The following BRCA1 variants were observed in gnomAD, a reference collection of about 807,000 sequenced individuals.
BRCA1 encodes BRCA1 DNA repair associated, also known as breast cancer type 1 susceptibility protein.
A neutral mutation model predicts 173.7 loss-of-function variants in BRCA1; 140 were observed. That is an observed-to-expected ratio of 0.81 (90% CI 0.70 to 0.93). The LOEUF (loss-of-function observed/expected upper bound fraction) is 0.93. Ranked by LOEUF, BRCA1 falls within the 40% of genes least tolerant of loss-of-function variation. BRCA1 has a pLI of 0.00. For missense variants in BRCA1, 1,983 were observed against 2,172.5 expected, an observed-to-expected ratio of 0.91 and a Z score of 1.73; for synonymous variants, 662 against 756.0, an observed-to-expected ratio of 0.88 and a Z score of 2.04.
chr17:43,089,157 A>T (rs8176162), intron 11 of BRCA1, among the ~76,000 whole-genome samples: 2 of 152,088 alleles, frequency 1.3e-5, no homozygotes, highest in African/African-American at 4.8e-5. Context: ...TACTAAAAAA[A>T]TACAAAAAAA....
At chr17:43,128,178 T>G (rs906512057), upstream of BRCA1, among the ~76,000 whole-genome samples, 1 of 133,684 alleles carries the variant, frequency 7.5e-6, no homozygotes, top group African/African-American at 2.6e-5. Flanking sequence ...AGCATTTATC[T>G]GCTGGTAACA....
chr17:43,107,117 T>C (rs1232728701), intron 3 of BRCA1, among the ~76,000 whole-genome samples: 1 of 144,210 alleles, frequency 6.9e-6, no homozygotes, highest in Non-Finnish European at 1.5e-5. Flanking sequence ...CAGGCTGGAG[T>C]GCAGTGGCAC....
chr17:43,076,736 A>T, intron 12 of BRCA1, 122 bp from the exon 13 acceptor site: 1 of 1,170,724 alleles, frequency 8.5e-7, no homozygotes, highest in Admixed American at 1.9e-5. Flanking sequence ...GTTTTTAAAC[A>T]AGTATATCAG....
intron 1 of BRCA1, among the ~76,000 whole-genome samples, chr17:43,169,323 C>T (rs1386357950): frequency 6.6e-6 from 1 of 152,134 alleles, no homozygotes; most frequent in Non-Finnish European, 1.5e-5. Flanking sequence ...CGCGCGCCAC[C>T]ACGCCCGGCT....
chr17:43,154,051 G>T (rs1207525734), intron 1 of BRCA1, among the ~76,000 whole-genome samples: 2 of 151,894 alleles, frequency 1.3e-5, no homozygotes, highest in East Asian at 1.9e-4. Context: ...GCCAGGCGTG[G>T]TGTCCCATGC....
intron 7 of BRCA1, among the ~76,000 whole-genome samples, chr17:43,098,727 T>C (rs1160861440): frequency 6.6e-6 from 1 of 151,950 alleles, no homozygotes; most frequent in Non-Finnish European, 1.5e-5. Flanking sequence ...AGGCTGGTCT[T>C]AAACTCGTGG....
rs397509280 is a variant in BRCA1 at position 43,049,114 on chromosome 17, T to C, written c.5406+7A>G. ...CCTCCCTCTCTGACAGGGCACCCAA[T>C]ACTTACTGTGCCAAGGGTGAATGAT... On this transcript the variant is annotated splice_region_variant and intron_variant, in intron 21 of 22. Coordinates refer to ENST00000357654, the MANE Select transcript of BRCA1 (RefSeq NM_007294.4). 2.5e-6 allele frequency: 4 copies of C among 1,613,202 alleles called. No individual in the cohort carries two copies. Among genetic ancestry groups the C allele is most frequent in the East Asian group, 2.2e-5 (1 of 44,876 alleles).
intron 12 of BRCA1, among the ~76,000 whole-genome samples, chr17:43,080,050 TG>T (rs2052933377): frequency 6.6e-6 from 1 of 152,202 alleles, no homozygotes; most frequent in South Asian, 2.1e-4. Context: ...ATCTACTTGC[TG>T]GCTGGTTTAG....
At chr17:43,058,011 C>T (rs1291505749) in intron 18 of BRCA1, among the ~76,000 whole-genome samples, 1 of 106,308 alleles carries the variant, frequency 9.4e-6, no homozygotes, top group Non-Finnish European at 1.7e-5. Flanking sequence ...CAGAGTGAAA[C>T]TCTGTCTCAA....
At chr17:43,165,729 C>T (rs1375631426) in intron 1 of BRCA1, 2 of 151,198 alleles carry the variant, frequency 1.3e-5, no homozygotes, top group Non-Finnish European at 3.0e-5. Context: ...CCCTTTTTTT[C>T]CTTTTTTTTT....
rs2052181606 is a variant in BRCA1 at position 43,067,670 on chromosome 17, T to C, written c.5012A>G (p.Lys1671Arg). The change falls in exon 16 of 23, where the codon AAA (lysine) becomes AGA (arginine). Residue 1671 changes from lysine to arginine, a missense_variant. Physicochemically the swap from Lys to Arg is conservative, Grantham distance 26. Coordinates refer to ENST00000357654, the MANE Select transcript of BRCA1 (RefSeq NM_007294.4). ...EFMLVYKFAR[K>R]HHITLTNLIT... The stretch of plus-strand genomic sequence containing the variant: ...TAGATTAGTTAAAGTGATGTGGTGT[T>C]TTCTGGCAAACTTGTACACGAGCAT... 6.2e-7 allele frequency: 1 copy of C among 1,613,552 alleles called. No individual in the cohort carries two copies.
At chr17:43,140,970 A>G (rs958002725) in intron 1 of BRCA1, among the ~76,000 whole-genome samples, 1 of 152,142 alleles carries the variant, frequency 6.6e-6, no homozygotes, top group Non-Finnish European at 1.5e-5. Context: ...TGGAATCAGA[A>G]TTTTCTTTCA....
intron 13 of BRCA1, among the ~76,000 whole-genome samples, chr17:43,075,719 C>T (rs1442396791): frequency 1.3e-5 from 2 of 152,092 alleles, no homozygotes; most frequent in South Asian, 2.1e-4. Context: ...CCTGCCACCA[C>T]GCCTGGCCCT....
chr17:43,092,680 T>G lies in BRCA1; in HGVS notation c.2851A>C (p.Arg951=), dbSNP rs1347533994. The part of the protein sequence containing the change: ...NAKCSIKGGS[R]FCLSSQFRGN... Reference sequence around the variant, plus strand: ...CTGAACTGAGATGATAGACAAAACCTAGAGCCTCCTTTGATACTACATTTG... The same window carrying G: ...CTGAACTGAGATGATAGACAAAACCGAGAGCCTCCTTTGATACTACATTTG... The change falls in exon 10 of 23, where the codon AGG becomes CGG. Residue 951 remains arginine (R), a synonymous_variant. Transcript: ENST00000357654. 6.2e-7 allele frequency: 1 copy of G among 1,614,158 alleles called. No individual in the cohort carries two copies. The highest frequency in any genetic ancestry group is 1.7e-5 in the Admixed American group (1 of 60,016).
chr17:43,097,185 T>C, intron 8 of BRCA1, 59 bp downstream of exon 8: 1 of 1,488,922 alleles, frequency 6.7e-7, no homozygotes, highest in South Asian at 1.2e-5. Flanking sequence ...ACATCAATCC[T>C]TAATATTAAC....
intron 21 of BRCA1, among the ~76,000 whole-genome samples, 153 bp downstream of exon 21, chr17:43,048,968 T>C (rs1286724076): frequency 6.6e-6 from 1 of 152,068 alleles, no homozygotes; most frequent in Non-Finnish European, 1.5e-5. Flanking sequence ...TCCTTACCCA[T>C]CCCTTACAGA....
At chr17:43,116,823 G>T (rs1162874924) in intron 2 of BRCA1, among the ~76,000 whole-genome samples, 2 of 152,086 alleles carry the variant, frequency 1.3e-5, no homozygotes, top group African/African-American at 4.8e-5. Context: ...CCAGCCCCAA[G>T]TGTCTTCTGA....
chr17:43,100,563 T>TATATATATAAC (rs1185620059), intron 6 of BRCA1, among the ~76,000 whole-genome samples: 3 of 99,838 alleles, frequency 3.0e-5, no homozygotes, highest in East Asian at 2.7e-4. Context: ...TGTGTGTATA[T>TATATATATAAC]ATATATATAA....
chr17:43,111,433 T>G (rs1167752753), intron 3 of BRCA1, among the ~76,000 whole-genome samples: 1 of 151,968 alleles, frequency 6.6e-6, no homozygotes, highest in African/African-American at 2.4e-5. Flanking sequence ...GGCAGGAGAT[T>G]TGCTTGAACC....
Sources: allele counts gnomAD v4.1 joint callset (sites outside exome capture counted in the v4.1 genomes callset), GRCh38; gene constraint gnomAD v4.1.1; transcripts MANE v1.5; gene names NCBI Gene and HGNC (gene_info 2026-07-23, HGNC 2026-07-21).